The following BCL11A variants were observed in gnomAD, a reference collection of about 807,000 sequenced individuals.
BCL11A encodes the protein BCL11 transcription factor A.
In BCL11A, 2 loss-of-function variants were observed where a neutral mutation model predicts 55.9. The ratio of observed to expected loss-of-function variants is 0.04; its 90% CI spans 0.01 to 0.11. The LOEUF (loss-of-function observed/expected upper bound fraction) is 0.11. BCL11A is among the 10% of genes least tolerant of loss of function. The pLI is 1.00. For synonymous variants in BCL11A, 465 were observed against 473.4 expected, an observed-to-expected ratio of 0.98 and a Z score of 0.23; for missense variants, 817 against 1,137.1, an observed-to-expected ratio of 0.72 and a Z score of 4.05.
chr2:60,510,140 C>T (rs1679900763), intron 2 of BCL11A, among the ~76,000 whole-genome samples: 1 of 152,192 alleles, frequency 6.6e-6, no homozygotes, highest in Non-Finnish European at 1.5e-5. Flanking sequence ...CTTTCCCATG[C>T]TTGAGTCTCA....
At chr2:60,487,882 G>A (rs1168098569) in intron 2 of BCL11A, among the ~76,000 whole-genome samples, 1 of 152,142 alleles carries the variant, frequency 6.6e-6, no homozygotes, top group East Asian at 1.9e-4. Context: ...ATGGACAGCT[G>A]GCACAAACAC....
At chr2:60,516,626 G>A (rs1372084286) in intron 2 of BCL11A, among the ~76,000 whole-genome samples, 3 of 152,212 alleles carry the variant, frequency 2.0e-5, no homozygotes, top group Non-Finnish European at 4.4e-5. Flanking sequence ...AGGACAGAGA[G>A]GGGCACCTGG....
chr2:60,550,202 G>C (rs954827634), intron 1 of BCL11A, among the ~76,000 whole-genome samples: 10 of 152,106 alleles, frequency 6.6e-5, no homozygotes, highest in African/African-American at 2.2e-4. Flanking sequence ...CAAAAATGCC[G>C]GCCCCGAAAG....
intron 2 of BCL11A, among the ~76,000 whole-genome samples, chr2:60,504,766 A>G (rs888277570): frequency 1.3e-5 from 2 of 152,214 alleles, no homozygotes; most frequent in Non-Finnish European, 2.9e-5. Context: ...GAAATTATAT[A>G]GAGAGGTGGA....
intron 3 of BCL11A, among the ~76,000 whole-genome samples, chr2:60,465,500 A>G (rs1270406594): frequency 6.6e-6 from 1 of 152,160 alleles, no homozygotes; most frequent in Non-Finnish European, 1.5e-5. Context: ...ACTGGCTTTT[A>G]TTTTATTTCA....
chr2:60,511,542 T>C (rs1277631714), intron 2 of BCL11A, among the ~76,000 whole-genome samples: 1 of 152,230 alleles, frequency 6.6e-6, no homozygotes, highest in Non-Finnish European at 1.5e-5. Context: ...TTCTTTTTTT[T>C]TCCTTCTTCT....
chr2:60,489,163 T>G (rs542258984), intron 2 of BCL11A, among the ~76,000 whole-genome samples: 1 of 152,366 alleles, frequency 6.6e-6, no homozygotes, highest in South Asian at 2.1e-4. Context: ...AATTAAACTG[T>G]TGCTTTAGAG....
At chr2:60,487,117 A>G (rs1021509463) in intron 2 of BCL11A, among the ~76,000 whole-genome samples, 1 of 152,268 alleles carries the variant, frequency 6.6e-6, no homozygotes. Context: ...AAGGGGAAGG[A>G]TAGTGCAACA....
At chr2:60,457,178 C>G (rs1158614027), downstream of BCL11A, 41 of 921,712 alleles carry the variant, frequency 4.4e-5, no homozygotes, top group Non-Finnish European at 5.4e-5. Context: ...AATGAGGACA[C>G]AAGAAGCTTA....
intron 2 of BCL11A, among the ~76,000 whole-genome samples, chr2:60,471,842 T>C (rs1677218678): frequency 6.6e-6 from 1 of 152,198 alleles, no homozygotes; most frequent in Non-Finnish European, 1.5e-5. Context: ...ATGCAAATTC[T>C]TGGGCACCAC....
At position 60,460,221 on chromosome 2, in the gene BCL11A, G is replaced by A. The variant is rs1676175395; in HGVS notation, c.*183C>T. ...AGAAAAAGAAAAAGAAAAAAAACAGGTGTGCTGGTGACAAGCACTCTCATA... is the reference window on the plus strand; with the variant it reads ...AGAAAAAGAAAAAGAAAAAAAACAGATGTGCTGGTGACAAGCACTCTCATA... On this transcript the variant is annotated 3_prime_UTR_variant, in exon 4 of 4. Coordinates refer to ENST00000642384, the MANE Select transcript of BCL11A (RefSeq NM_022893.4). The A allele has an allele frequency of 3.1e-6, 4 of 1,304,818 alleles. No individual in the cohort carries two copies. The highest frequency in any genetic ancestry group is 2.9e-4 in the Middle Eastern group (1 of 3,442). 80.8% of individuals were successfully genotyped at this position (1,304,818 alleles called of 1,614,324 possible).
At chr2:60,463,459 C>G (rs1032354686) in intron 3 of BCL11A, among the ~76,000 whole-genome samples, 1 of 152,184 alleles carries the variant, frequency 6.6e-6, no homozygotes, top group African/African-American at 2.4e-5. Context: ...GGACTCAGCT[C>G]CAGTTGAGAA....
At chr2:60,510,204 C>T (rs966535101) in intron 2 of BCL11A, among the ~76,000 whole-genome samples, 3 of 152,204 alleles carry the variant, frequency 2.0e-5, no homozygotes, top group South Asian at 4.1e-4. Flanking sequence ...ATCACTCCTC[C>T]AGTGGCTTCC....
chr2:60,515,887 G>A (rs1363172163), intron 2 of BCL11A, among the ~76,000 whole-genome samples: 5 of 152,210 alleles, frequency 3.3e-5, no homozygotes, highest in Non-Finnish European at 7.3e-5. Flanking sequence ...ACCAGGCTGC[G>A]CTGAACAGGA....
intron 2 of BCL11A, among the ~76,000 whole-genome samples, chr2:60,518,795 T>C (rs934871054): frequency 6.6e-6 from 1 of 152,184 alleles, no homozygotes; most frequent in African/African-American, 2.4e-5. Context: ...GACTCATCAA[T>C]TACTGTTCAA....
intron 2 of BCL11A, chr2:60,534,893 G>A (rs1195061060): frequency 1.3e-5 from 2 of 152,210 alleles, no homozygotes; most frequent in Non-Finnish European, 2.9e-5. Flanking sequence ...ATCTCTTGGT[G>A]AACTTTTAAT....
At chr2:60,482,731 CA>C (rs1346024317) in intron 2 of BCL11A, among the ~76,000 whole-genome samples, 2 of 152,186 alleles carry the variant, frequency 1.3e-5, no homozygotes, top group Non-Finnish European at 2.9e-5. Context: ...AGTGGTAGCT[CA>C]AAAATTCTAT....
intron 2 of BCL11A, among the ~76,000 whole-genome samples, chr2:60,501,406 A>T (rs1679271525): frequency 6.6e-6 from 1 of 152,082 alleles, no homozygotes; most frequent in Non-Finnish European, 1.5e-5. Context: ...TAATATGATT[A>T]ATCACTTCCA....
At chr2:60,456,159 T>C (rs545575080), downstream of BCL11A, among the ~76,000 whole-genome samples, 1 of 152,258 alleles carries the variant, frequency 6.6e-6, no homozygotes, top group South Asian at 2.1e-4. Flanking sequence ...TCACAGGCAC[T>C]AGGGCATAAG....
Sources: allele counts gnomAD v4.1 joint callset (sites outside exome capture counted in the v4.1 genomes callset), GRCh38; gene constraint gnomAD v4.1.1; transcripts MANE v1.5; gene names NCBI Gene and HGNC (gene_info 2026-07-23, HGNC 2026-07-21).